KDM2B: variants seen among roughly 807,000 people sequenced by gnomAD.
KDM2B encodes the protein lysine demethylase 2B, also known as lysine-specific demethylase 2B.
Under a neutral mutation model 150.0 loss-of-function variants are expected in KDM2B, and 26 were observed. The observed-to-expected ratio is 0.17, with a 90% CI of 0.13 to 0.24. The LOEUF is 0.24. Among genes scored for constraint, KDM2B ranks in the 10% least tolerant of loss-of-function variants. The probability of loss-of-function intolerance (pLI) is 1.00; values close to 1 mark genes in which losing one functional copy is unlikely to be tolerated. For missense variants in KDM2B, 1,265 were observed against 1,816.9 expected (o/e 0.70, Z 5.52); for synonymous variants, 734 against 729.5 (o/e 1.01, Z -0.10).
chr12:121,466,672 G>A (rs1247508618), intron 12 of KDM2B, among the ~76,000 whole-genome samples: 1 of 150,466 alleles, frequency 6.6e-6, no homozygotes, highest in Non-Finnish European at 1.5e-5. Flanking sequence ...CACGGGCCCC[G>A]GGAGCGCTCC....
chr12:121,420,758 A>G, the KDM2B span: 1 of 1,612,782 alleles, frequency 6.2e-7, no homozygotes, highest in Non-Finnish European at 8.5e-7. Flanking sequence ...TACAAAGAGA[A>G]TGAAGAAAAC....
intron 4 of KDM2B, among the ~76,000 whole-genome samples, chr12:121,566,417 T>C (rs910845268): frequency 2.0e-5 from 3 of 151,650 alleles, no homozygotes; most frequent in Non-Finnish European, 4.4e-5. Context: ...AGGCCAGGAG[T>C]TCGAGACCAT....
chr12:121,430,442 A>C lies in KDM2B; in HGVS notation c.3857T>G (p.Leu1286Arg). The C allele has an allele frequency of 6.2e-7, 1 of 1,614,072 alleles. No individual in the cohort carries two copies. Among genetic ancestry groups the C allele is most frequent in the Non-Finnish European group, 8.5e-7 (1 of 1,179,946 alleles). The change falls in exon 23 of 23, where the codon CTG (leucine) becomes CGG (arginine). Residue 1286 changes from leucine (L) to arginine (R), a missense_variant. This residue lies in a region of KDM2B where 251 missense variants were observed against 397.8 expected (regional missense o/e 0.63). Transcript: ENST00000377071. The surrounding 1 kb of genome is among the most constrained non-coding windows in gnomAD (Gnocchi z 4.4). ...GTTTCCACAGCGTTTGAAGAAGGAC[A>C]GGCACTGATCAGTGACCTTATTGCA... ...SDCNKVTDQCLSFFKRCGNIC... is the reference protein window; with the variant it reads ...SDCNKVTDQCRSFFKRCGNIC...
At position 121,576,709 on chromosome 12, in the gene KDM2B, C is replaced by T. The variant is rs1173346393; in HGVS notation, c.272-850G>A. ...AACCAGTGAATCTGACCCAACCATA[C>T]ACCCCTGAATATGAAGGTGATGGGT... On this transcript the variant is annotated intron_variant, in intron 2 of 22. Transcript: ENST00000377071. Among the ~76,000 whole-genome samples the T allele has an allele frequency of 6.6e-5, 10 of 152,332 alleles. No individual in the cohort carries two copies. In the East Asian group the frequency reaches 1.7e-3, roughly 26 times the overall value.
At chr12:121,423,538 C>A in the KDM2B span, 1 of 1,614,134 alleles carries the variant, frequency 6.2e-7, no homozygotes. This position sits in a 1 kb window ranked among gnomAD's most constrained non-coding sequence, Gnocchi z 4.3. Flanking sequence ...CATCTGCCGG[C>A]AGTATGTGGT....
rs369471282 is a variant in KDM2B at position 121,554,171 on chromosome 12, G to A, written c.398-4533C>T. On this transcript the variant is annotated intron_variant, in intron 4 of 22. Transcript: ENST00000377071. ...AGGACTGCTTGAGCGTCAGGAGGTTGAGGCTCCAGTGAGCCATGATCGTGC... is the reference window on the plus strand; with the variant it reads ...AGGACTGCTTGAGCGTCAGGAGGTTAAGGCTCCAGTGAGCCATGATCGTGC... Among the ~76,000 whole-genome samples the A allele has an allele frequency of 5.9e-5, 9 of 151,936 alleles. No homozygotes were observed. The East Asian group carries it at 1.2e-3, about 20-fold the overall frequency.
intron 12 of KDM2B, among the ~76,000 whole-genome samples, chr12:121,473,213 A>G (rs1880955478): frequency 6.6e-6 from 1 of 151,930 alleles, no homozygotes; most frequent in Admixed American, 6.6e-5. Context: ...TGACATGGTG[A>G]AATCCCATCT....
At chr12:121,573,818 ACCTCATGATCCACCCG>A (rs1555316417) in intron 4 of KDM2B, among the ~76,000 whole-genome samples, 1 of 148,218 alleles carries the variant, frequency 6.7e-6, no homozygotes, top group African/African-American at 2.5e-5. Context: ...CGATCTCCTG[ACCTCATGATCCACCCG>A]CCTCGGCCTC....
intron 4 of KDM2B, among the ~76,000 whole-genome samples, chr12:121,573,973 G>A (rs1482593955): frequency 6.6e-6 from 1 of 152,066 alleles, no homozygotes; most frequent in African/African-American, 2.4e-5. Context: ...TGCCCACCAA[G>A]TAGCTAAAAA....
rs782365839 is a variant in KDM2B, at chr12:121,534,578, C to T, written c.696G>A (p.Met232Ile). ...AGTCGGTGAAACAACCTTTCACGCT[C>T]ATCAGACAGTACCTGCAACACAGAG... ...KYPKVKKYCL[M>I]SVKGCFTDFH... Residue 232 changes from methionine to isoleucine, a missense_variant, in exon 7 of 23, where the codon ATG (methionine) becomes ATA (isoleucine). Coordinates refer to ENST00000377071, the MANE Select transcript of KDM2B (RefSeq NM_032590.5). The T allele has an allele frequency of 6.2e-7, 1 of 1,613,716 alleles. No homozygotes were observed. The highest frequency in any genetic ancestry group is 8.5e-7 in the Non-Finnish European group (1 of 1,179,618).
At position 121,549,416 on chromosome 12, in the gene KDM2B, G is replaced by T. The variant is rs1555311375; in HGVS notation, c.576+44C>A. 4 of 1,510,464 alleles carry T rather than the reference G, an allele frequency of 2.6e-6. No individual in the cohort carries two copies. Among genetic ancestry groups the T allele is most frequent in the Non-Finnish European group, 2.7e-6 (3 of 1,114,078 alleles). The allele number at this position is 1,510,464 out of a possible 1,614,324, so 93.6% of individuals were successfully genotyped here. A position where few individuals can be genotyped will look rare whatever the true frequency, so the allele number is the denominator to read the frequency against. ...GTGGCAGGGGGACAGGGAAGGAGAT[G>T]AGGTGGAAGGTATCTGGGGAGGGTA... On this transcript the variant is annotated intron_variant, in intron 5 of 22. Coordinates refer to ENST00000377071, the MANE Select transcript of KDM2B (RefSeq NM_032590.5). The surrounding 1 kb of genome is among the most constrained non-coding windows in gnomAD (Gnocchi z 4.4).
chr12:121,548,758 G>A (rs897088515), intron 6 of KDM2B, 119 bp downstream of exon 6: 74 of 739,692 alleles, frequency 1.0e-4, no homozygotes, highest in Middle Eastern at 3.3e-4. Flanking sequence ...AGTTCTGAAC[G>A]GGAGCGGTTG....
rs1566269809 is a variant in KDM2B, at chr12:121,444,540, CG to C, written c.2104-5del. The C allele has an allele frequency of 6.2e-7, 1 of 1,613,476 alleles. No homozygotes were observed. Among genetic ancestry groups the C allele is most frequent in the East Asian group, 2.2e-5 (1 of 44,874 alleles). The stretch of plus-strand genomic sequence containing the variant: ...CCACACCCTCTGACTCCTTAATCTG[CG>C]GGGAACACCAGGACTCAGAAGAGGG... On this transcript the variant is annotated splice_polypyrimidine_tract_variant and splice_region_variant and intron_variant, in intron 14 of 22. Transcript: ENST00000377071.
At chr12:121,524,868 T>C (rs551151312) in intron 8 of KDM2B, 25 of 266,140 alleles carry the variant, frequency 9.4e-5, no homozygotes, top group South Asian at 6.6e-4. Flanking sequence ...AAGCCAGTGA[T>C]ACACAAAGCA....
At chr12:121,478,960 T>G (rs1224847274) in intron 12 of KDM2B, among the ~76,000 whole-genome samples, 1 of 150,802 alleles carries the variant, frequency 6.6e-6, no homozygotes, top group Admixed American at 6.6e-5. Flanking sequence ...TCAACTGATC[T>G]TCCCGCCTTG....
chr12:121,434,993 CTT>C (rs782211303), intron 22 of KDM2B, among the ~76,000 whole-genome samples: 3 of 144,892 alleles, frequency 2.1e-5, no homozygotes, highest in Non-Finnish European at 3.0e-5. Flanking sequence ...TGACATTAGA[CTT>C]TGCAAAGATT....
chr12:121,486,333 CTTTTTTTTTTTTT>C lies in KDM2B; in HGVS notation c.1734+8233_1734+8245del, dbSNP rs71079073. Among the ~76,000 whole-genome samples the C allele has an allele frequency of 1.9e-4, 11 of 59,008 alleles. 1 individual carries two copies. The Admixed American group carries it at 2.2e-3, about 12-fold the overall frequency. 38.7% of individuals were successfully genotyped at this position (59,008 alleles called of 152,430 possible). A position where few individuals can be genotyped will look rare whatever the true frequency, so the allele number is the denominator to read the frequency against. ...TGTTGATCAGGCTGGTTTCGAACTC[CTTTTTTTTTTTTT>C]TTTTTTTTTTTTTTAGGGGAAACGG... is the stretch of plus-strand genomic sequence containing the variant. On this transcript the variant is annotated intron_variant, in intron 12 of 22. Coordinates refer to ENST00000377071, the MANE Select transcript of KDM2B (RefSeq NM_032590.5).
chr12:121,492,778 G>A (rs1566333871), intron 12 of KDM2B, among the ~76,000 whole-genome samples: 1 of 149,946 alleles, frequency 6.7e-6, no homozygotes, highest in Non-Finnish European at 1.5e-5. Context: ...GCAGTGAGCC[G>A]AGATCACGCC....
At chr12:121,572,250 T>C (rs1412075437) in intron 4 of KDM2B, among the ~76,000 whole-genome samples, 1 of 151,954 alleles carries the variant, frequency 6.6e-6, no homozygotes, top group East Asian at 1.9e-4. Flanking sequence ...CCCAAGAAAA[T>C]AATCAGATCA....
Sources: allele counts gnomAD v4.1 joint callset (sites outside exome capture counted in the v4.1 genomes callset), GRCh38; gene constraint gnomAD v4.1.1; regional missense constraint gnomAD v4.1.1; non-coding constraint Gnocchi (gnomAD v3.1); transcripts MANE v1.5; gene names NCBI Gene and HGNC (gene_info 2026-07-23, HGNC 2026-07-21).